ZNRF3: variants seen among roughly 807,000 people sequenced by gnomAD.
ZNRF3 encodes E3 ubiquitin-protein ligase ZNRF3.
In ZNRF3, 23 loss-of-function variants were observed where a neutral mutation model predicts 72.5. That is an observed-to-expected ratio of 0.32 (90% CI 0.23 to 0.45). The LOEUF (loss-of-function observed/expected upper bound fraction) is 0.45. Among genes scored for constraint, ZNRF3 ranks in the 20% least tolerant of loss-of-function variants. The pLI is 1.00. For missense variants in ZNRF3, 1,169 were observed against 1,272.1 expected, an observed-to-expected ratio of 0.92 and a Z score of 1.23; for synonymous variants, 610 against 545.3, an observed-to-expected ratio of 1.12 and a Z score of -1.65.
chr22:29,034,049 A>G lies in ZNRF3; in HGVS notation c.427-8446A>G, dbSNP rs539849867. ...CATGGTTTCTGCCCCCTTCGGTCAC[A>G]CTACTTATATGTAAGTCTGTCAGAG... On this transcript the variant is annotated intron_variant, in intron 2 of 8. Coordinates refer to ENST00000544604, the MANE Select transcript of ZNRF3 (RefSeq NM_001206998.2). 2.6e-5 allele frequency among the ~76,000 whole-genome samples: 4 copies of G among 152,322 alleles called. No individual in the cohort carries two copies. In the East Asian group the frequency reaches 7.7e-4, roughly 29 times the overall value.
At chr22:29,031,476 G>A in intron 2 of ZNRF3, 2 of 553,684 alleles carry the variant, frequency 3.6e-6, no homozygotes, top group Non-Finnish European at 4.6e-6. Flanking sequence ...TGGTGAGGCA[G>A]GCCTTGGGAG....
chr22:28,994,172 C>CTTCCTTTTTTTTTTTTTTTTTT (rs2036004583), intron 2 of ZNRF3, among the ~76,000 whole-genome samples: 1 of 78,766 alleles, frequency 1.3e-5, no homozygotes, highest in South Asian at 4.6e-4. Flanking sequence ...CCTTCAGTTC[C>CTTCCTTTTTTTTTTTTTTTTTT]TTTCTTTTTT....
Position 29,015,885 on chromosome 22 carries a change from A to C in ZNRF3, c.427-26610A>C, listed in dbSNP as rs561526586. ...TATAAAATTAGCTGGGCGTGGTGGC[A>C]CATGCCTGTAATCCCAGCTACTCAG... On this transcript the variant is annotated intron_variant, in intron 2 of 8. Coordinates refer to ENST00000544604, the MANE Select transcript of ZNRF3 (RefSeq NM_001206998.2). Among the ~76,000 whole-genome samples, 524 of 149,932 alleles carry C rather than the reference A, an allele frequency of 3.5e-3. 5 individuals carry two copies. Among genetic ancestry groups the C allele is most frequent in the Middle Eastern group, 0.018 (5 of 280 alleles).
chr22:28,923,995 GC>G (rs899819716), intron 1 of ZNRF3, among the ~76,000 whole-genome samples: 2 of 152,262 alleles, frequency 1.3e-5, no homozygotes, highest in African/African-American at 2.4e-5. Flanking sequence ...TATCGGCTTT[GC>G]CCCGGGCGGG....
At chr22:28,968,683 T>G (rs960490563) in intron 1 of ZNRF3, among the ~76,000 whole-genome samples, 7 of 152,226 alleles carry the variant, frequency 4.6e-5, no homozygotes, top group Non-Finnish European at 8.8e-5. Flanking sequence ...CACTCCAGCC[T>G]GGGCGATAAG....
At chr22:28,950,023 T>G (rs1028780974) in intron 1 of ZNRF3, among the ~76,000 whole-genome samples, 1 of 152,196 alleles carries the variant, frequency 6.6e-6, no homozygotes, top group Admixed American at 6.5e-5. Context: ...TATTGCTTCA[T>G]CTGCATTGCT....
intron 2 of ZNRF3, among the ~76,000 whole-genome samples, chr22:28,994,919 G>A (rs931947684): frequency 3.6e-4 from 55 of 152,164 alleles, no homozygotes; most frequent in African/African-American, 1.3e-3. Flanking sequence ...AAGCAAACCC[G>A]CATCCCATAG....
intron 2 of ZNRF3, among the ~76,000 whole-genome samples, chr22:29,017,401 T>C (rs1388772795): frequency 2.6e-5 from 4 of 152,186 alleles, no homozygotes; most frequent in Non-Finnish European, 5.9e-5. Context: ...AAATCTTAAG[T>C]GTGGCCCCTG....
At chr22:29,024,507 G>A (rs2036592087) in intron 2 of ZNRF3, among the ~76,000 whole-genome samples, 2 of 151,962 alleles carry the variant, frequency 1.3e-5, no homozygotes, top group East Asian at 1.9e-4. Flanking sequence ...GAGACACATA[G>A]GCTCAGTCAG....
At chr22:28,890,766 CT>C (rs778655580) in intron 1 of ZNRF3, among the ~76,000 whole-genome samples, 73 of 118,872 alleles carry the variant, frequency 6.1e-4, no homozygotes, top group East Asian at 7.8e-4. Context: ...CTCTCTCTCT[CT>C]TTTTTTTTTT....
intron 1 of ZNRF3, among the ~76,000 whole-genome samples, chr22:28,892,834 A>G (rs2033914558): frequency 6.6e-6 from 1 of 152,184 alleles, no homozygotes. Flanking sequence ...GTATGTTAGA[A>G]TGGGGACTTC....
In ZNRF3 at chr22:28,959,474, A is replaced by G. The variant is rs561509945; in HGVS notation, c.301-27602A>G. Among the ~76,000 whole-genome samples the G allele has an allele frequency of 8.5e-4, 130 of 152,358 alleles. 2 individuals carry two copies. In the South Asian group the frequency reaches 0.023, roughly 27 times the overall value. Reference sequence around the variant, plus strand: ...TTCACCAAGGCACATGCTTGTGTCTAGAAGTAATACCATCATGTTACCACA... The same window carrying G: ...TTCACCAAGGCACATGCTTGTGTCTGGAAGTAATACCATCATGTTACCACA... On this transcript the variant is annotated intron_variant, in intron 1 of 8. Transcript: ENST00000544604.
chr22:28,977,929 A>G (rs1569268359), intron 1 of ZNRF3, among the ~76,000 whole-genome samples: 1 of 152,178 alleles, frequency 6.6e-6, no homozygotes, highest in Non-Finnish European at 1.5e-5. Context: ...GATGTACCAT[A>G]CTCAAGGGAA....
At chr22:29,012,158 A>T (rs1420926614) in intron 2 of ZNRF3, among the ~76,000 whole-genome samples, 1 of 152,214 alleles carries the variant, frequency 6.6e-6, no homozygotes, top group Non-Finnish European at 1.5e-5. Context: ...GAAGTTTCTT[A>T]ACTTCCAAAG....
At chr22:29,002,651 C>T (rs993453151) in intron 2 of ZNRF3, among the ~76,000 whole-genome samples, 5 of 152,220 alleles carry the variant, frequency 3.3e-5, no homozygotes, top group Non-Finnish European at 7.3e-5. Flanking sequence ...TGGCCAGGCC[C>T]TTATTCTCAG....
chr22:28,905,156 C>T (rs56828081), intron 1 of ZNRF3, among the ~76,000 whole-genome samples: 1,650 of 152,116 alleles, frequency 0.011, 46 homozygotes, highest in African/African-American at 0.038. Context: ...AGGTTGATCT[C>T]GAATTCCTGG....
intron 1 of ZNRF3, among the ~76,000 whole-genome samples, chr22:28,898,283 T>C (rs551274751): frequency 6.6e-6 from 1 of 152,324 alleles, no homozygotes; most frequent in East Asian, 1.9e-4. Flanking sequence ...TTTCTGTGAT[T>C]GTCGCAACTA....
At chr22:29,025,522 C>T (rs985734405) in intron 2 of ZNRF3, 1 of 152,028 alleles carries the variant, frequency 6.6e-6, no homozygotes, top group Admixed American at 6.6e-5. Context: ...ACTCTTAATC[C>T]ATTTGTTTCC....
At chr22:28,989,661 G>A (rs1438669922) in intron 2 of ZNRF3, among the ~76,000 whole-genome samples, 1 of 152,156 alleles carries the variant, frequency 6.6e-6, no homozygotes, top group Non-Finnish European at 1.5e-5. Context: ...TCCTGTGGAT[G>A]TTGAAACTTG....
Sources: gnomAD v4.1 joint callset for allele counts (sites outside exome capture counted in the v4.1 genomes callset) on GRCh38, gnomAD v4.1.1 for gene constraint, MANE v1.5 for transcripts, NCBI Gene and HGNC (gene_info 2026-07-23, HGNC 2026-07-21) for gene names.